The following SLC24A2 variants were observed in gnomAD, a reference collection of about 807,000 sequenced individuals.
The protein encoded by SLC24A2 is solute carrier family 24 member 2.
In SLC24A2, 36 loss-of-function variants were observed where a neutral mutation model predicts 62.0. The observed-to-expected ratio is 0.58, with a 90% CI of 0.44 to 0.77. The LOEUF (loss-of-function observed/expected upper bound fraction) is 0.77, where lower values mean the gene tolerates loss of function less well. Ranked by LOEUF, SLC24A2 falls within the 30% of genes least tolerant of loss-of-function variation. SLC24A2 has a pLI of 0.00. For missense variants in SLC24A2, 846 were observed against 817.9 expected (o/e 1.03, Z -0.42); for synonymous variants, 358 against 294.0 (o/e 1.22, Z -2.23).
At chr9:20,007,998 C>G in the SLC24A2 span, among the ~76,000 whole-genome samples, 1 of 143,460 alleles carries the variant, frequency 7.0e-6, no homozygotes, top group African/African-American at 2.6e-5. Context: ...TGGGTTCAAG[C>G]GATTCTCCTG....
chr9:20,191,787 G>T, the SLC24A2 span, among the ~76,000 whole-genome samples: 2 of 151,926 alleles, frequency 1.3e-5, no homozygotes, highest in Non-Finnish European at 2.9e-5. Context: ...TAGTTGTGTG[G>T]ATAGATCATA....
chr9:19,822,216 C>T, the SLC24A2 span, among the ~76,000 whole-genome samples: 35 of 152,260 alleles, frequency 2.3e-4, no homozygotes, highest in South Asian at 4.1e-4. Flanking sequence ...ATAGAATCAG[C>T]ATGTTTTTGT....
intron 2 of SLC24A2, among the ~76,000 whole-genome samples, chr9:19,772,344 A>C (rs1822714229): frequency 6.6e-6 from 1 of 152,190 alleles, no homozygotes; most frequent in Non-Finnish European, 1.5e-5. Flanking sequence ...AAATCACTCT[A>C]GATAAAAATG....
At chr9:19,545,872 T>C (rs1436371999) in intron 8 of SLC24A2, among the ~76,000 whole-genome samples, 4 of 152,076 alleles carry the variant, frequency 2.6e-5, no homozygotes, top group Non-Finnish European at 4.4e-5. Flanking sequence ...CTCCTGACCT[T>C]GTGATCTGCC....
intron 2 of SLC24A2, among the ~76,000 whole-genome samples, chr9:19,760,569 A>G (rs1217796199): frequency 5.3e-5 from 8 of 151,624 alleles, no homozygotes; most frequent in South Asian, 2.1e-4. Context: ...CCCTATGCCC[A>G]TATGTTCTCA....
At chr9:19,541,354 TTGA>T (rs1384443837) in intron 8 of SLC24A2, among the ~76,000 whole-genome samples, 2 of 150,976 alleles carry the variant, frequency 1.3e-5, no homozygotes, top group Non-Finnish European at 3.0e-5. Context: ...CTTTTGGTCT[TTGA>T]TGATGGTGAT....
At chr9:20,208,012 G>A in the SLC24A2 span, among the ~76,000 whole-genome samples, 1 of 152,144 alleles carries the variant, frequency 6.6e-6, no homozygotes, top group Non-Finnish European at 1.5e-5. Flanking sequence ...TGCCTTCAAT[G>A]GACTTAAAGA....
At chr9:19,550,863 T>C (rs2132749588) in intron 7 of SLC24A2, among the ~76,000 whole-genome samples, 1 of 152,314 alleles carries the variant, frequency 6.6e-6, no homozygotes, top group East Asian at 1.9e-4. Flanking sequence ...CTTTCATTGA[T>C]ATTTTACGTA....
At chr9:20,231,733 T>A in the SLC24A2 span, among the ~76,000 whole-genome samples, 1 of 152,178 alleles carries the variant, frequency 6.6e-6, no homozygotes, top group Non-Finnish European at 1.5e-5. Context: ...TATTTCTTAC[T>A]CCTGCCTGAT....
chr9:19,561,325 G>C (rs1384595922), intron 7 of SLC24A2, among the ~76,000 whole-genome samples: 2 of 147,856 alleles, frequency 1.4e-5, no homozygotes, highest in Admixed American at 6.8e-5. Context: ...AAGTGAAAAA[G>C]AGGTAAGTTT....
At chr9:20,182,723 G>A in the SLC24A2 span, among the ~76,000 whole-genome samples, 2 of 152,140 alleles carry the variant, frequency 1.3e-5, no homozygotes, top group African/African-American at 2.4e-5. Context: ...ACAGGCACAT[G>A]TATACCTACG....
the SLC24A2 span, among the ~76,000 whole-genome samples, chr9:20,282,497 G>A: frequency 6.6e-6 from 1 of 152,066 alleles, no homozygotes; most frequent in African/African-American, 2.4e-5. Flanking sequence ...TGAGGAATCT[G>A]AAATCCAAGA....
At chr9:19,528,677 A>T (rs930881504) in intron 8 of SLC24A2, among the ~76,000 whole-genome samples, 16 of 152,196 alleles carry the variant, frequency 1.1e-4, no homozygotes, top group African/African-American at 3.9e-4. Flanking sequence ...TTATCAAGAA[A>T]GTCACACAGA....
intron 7 of SLC24A2, 77 bp from the exon 8 acceptor site, chr9:19,550,345 C>T (rs1471693952): frequency 6.9e-7 from 1 of 1,451,578 alleles, no homozygotes; most frequent in African/African-American, 1.4e-5. Context: ...GAGCACAGAA[C>T]AAAGGGGAAG....
chr9:19,536,794 T>A (rs201801103), intron 8 of SLC24A2, among the ~76,000 whole-genome samples: 359 of 45,302 alleles, frequency 7.9e-3, no homozygotes, highest in South Asian at 9.2e-3. Context: ...TCCACAATGG[T>A]TGAACTAGTT....
chr9:19,970,630 A>G, the SLC24A2 span, among the ~76,000 whole-genome samples: 4 of 152,264 alleles, frequency 2.6e-5, no homozygotes, highest in East Asian at 5.8e-4. Flanking sequence ...TGAGAATACA[A>G]TAATACCATG....
rs1241076657 is a variant in SLC24A2 at position 19,508,807 on chromosome 9, T to G, written c.*7346A>C. 2 of 152,002 alleles carry G rather than the reference T, an allele frequency of 1.3e-5. No homozygotes were observed. Among genetic ancestry groups the G allele is most frequent in the South Asian group, 2.1e-4 (1 of 4,820 alleles). 9.4% of individuals were successfully genotyped at this position (152,002 alleles called of 1,614,324 possible). ...AGACCCTGTCTGTTAAAAAAAAAAT[T>G]ATATAAAAATTTGTGATGAAGTTGA... On this transcript the variant is annotated 3_prime_UTR_variant, in exon 11 of 11. Coordinates refer to ENST00000341998, the MANE Select transcript of SLC24A2 (RefSeq NM_020344.4).
chr9:19,951,707 TA>T, the SLC24A2 span, among the ~76,000 whole-genome samples: 185 of 152,302 alleles, frequency 1.2e-3, no homozygotes, highest in Non-Finnish European at 1.2e-3. Flanking sequence ...TATTTATACT[TA>T]AAACAATATC....
At chr9:20,157,496 G>C in the SLC24A2 span, among the ~76,000 whole-genome samples, 2 of 151,604 alleles carry the variant, frequency 1.3e-5, no homozygotes, top group African/African-American at 4.8e-5. Context: ...AAAGATAAAA[G>C]TCAACATTAA....
Sources: gnomAD v4.1 joint callset for allele counts (sites outside exome capture counted in the v4.1 genomes callset) on GRCh38, gnomAD v4.1.1 for gene constraint, MANE v1.5 for transcripts, NCBI Gene and HGNC (gene_info 2026-07-23, HGNC 2026-07-21) for gene names.